LZTS1: variants seen among roughly 807,000 people sequenced by gnomAD.
LZTS1 encodes leucine zipper putative tumor suppressor 1.
A neutral mutation model predicts 45.8 loss-of-function variants in LZTS1; 31 were observed. The ratio of observed to expected loss-of-function variants is 0.68; its 90% CI spans 0.51 to 0.91. The LOEUF (loss-of-function observed/expected upper bound fraction) is 0.91. Ranked by LOEUF, LZTS1 falls within the 40% of genes least tolerant of loss-of-function variation. The pLI is 0.00. For synonymous variants in LZTS1, 359 were observed against 357.3 expected (o/e 1.00, Z -0.05); for missense variants, 821 against 788.9 (o/e 1.04, Z -0.49).
At chr8:20,271,922 G>A (rs1800481610) in intron 1 of LZTS1, among the ~76,000 whole-genome samples, 1 of 152,222 alleles carries the variant, frequency 6.6e-6, no homozygotes, top group African/African-American at 2.4e-5. Context: ...AGCCGCAGCT[G>A]GGGGTCACCT....
chr8:20,299,006 A>T (rs1229007050), intron 1 of LZTS1, among the ~76,000 whole-genome samples: 2 of 152,214 alleles, frequency 1.3e-5, no homozygotes, highest in East Asian at 1.9e-4. Context: ...TAGCTGACAC[A>T]TCCCCATCAA....
chr8:20,250,453 A>G (rs975919910), intron 3 of LZTS1, 90 bp from the exon 4 acceptor site: 6 of 1,327,682 alleles, frequency 4.5e-6, no homozygotes, highest in Non-Finnish European at 6.1e-6. Context: ...TAACCAAGCC[A>G]CTCCGGATGC....
chr8:20,279,969 C>CA (rs57894688), intron 1 of LZTS1, among the ~76,000 whole-genome samples: 5,402 of 133,844 alleles, frequency 0.04, 327 homozygotes, highest in African/African-American at 0.14. Context: ...AACCGTGTCT[C>CA]AAAAAAAAAA....
In LZTS1 at chr8:20,252,980, G is replaced by T; in HGVS notation, c.951C>A (p.Leu317=). The T allele has an allele frequency of 6.3e-7, 1 of 1,587,410 alleles. No homozygotes were observed. The highest frequency in any genetic ancestry group is 8.6e-7 in the Non-Finnish European group (1 of 1,166,816). Residue 317 remains leucine (L), a synonymous_variant, in exon 3 of 4, where the codon CTC becomes CTA. Transcript: ENST00000381569. ...GCTGGCTCTTCTGCGAGGCCTGCTTGAGCTTGTTGCCGCCTTTGGGCTCCG... is the reference window on the plus strand; with the variant it reads ...GCTGGCTCTTCTGCGAGGCCTGCTTTAGCTTGTTGCCGCCTTTGGGCTCCG... The part of the protein sequence containing the change: ...EGPEPKGGNK[L]KQASQKSQRA...
At chr8:20,275,404 C>CAA (rs55847914) in intron 1 of LZTS1, among the ~76,000 whole-genome samples, 1,214 of 113,566 alleles carry the variant, frequency 0.011, 24 homozygotes, top group African/African-American at 0.04. Flanking sequence ...GACTTCATCT[C>CAA]AAAAAAAAAA....
chr8:20,301,373 T>C (rs537945715), intron 1 of LZTS1, among the ~76,000 whole-genome samples: 1 of 152,198 alleles, frequency 6.6e-6, no homozygotes, highest in Non-Finnish European at 1.5e-5. Context: ...GCAGTGAAAA[T>C]TAAATGAGAT....
At position 20,249,516 on chromosome 8, in the gene LZTS1, G is replaced by C. The variant is rs1799823253; in HGVS notation, c.*206C>G. 3.2e-6 allele frequency: 2 copies of C among 629,420 alleles called. No individual in the cohort carries two copies. Among genetic ancestry groups the C allele is most frequent in the Admixed American group, 6.0e-5 (2 of 33,136 alleles). The allele number at this position is 629,420 out of a possible 1,614,324, so 39.0% of individuals were successfully genotyped here. ...GGGAAAGCCAGAGGAGTCAGGGCCT[G>C]ACGTCTGGTGGGCTGCAGGGCTGGT... On this transcript the variant is annotated 3_prime_UTR_variant, in exon 4 of 4. Coordinates refer to ENST00000381569, the MANE Select transcript of LZTS1 (RefSeq NM_021020.5).
intron 1 of LZTS1, among the ~76,000 whole-genome samples, chr8:20,300,465 T>A (rs1801055944): frequency 6.6e-6 from 1 of 152,050 alleles, no homozygotes; most frequent in Non-Finnish European, 1.5e-5. Flanking sequence ...CCCAAGTAGC[T>A]GGGACTACAG....
chr8:20,260,512 T>G (rs1800205055), intron 1 of LZTS1, among the ~76,000 whole-genome samples: 1 of 152,162 alleles, frequency 6.6e-6, no homozygotes, highest in Admixed American at 6.6e-5. Flanking sequence ...AATCGCACGC[T>G]GCAATTGGGG....
At position 20,303,779 on chromosome 8, in the gene LZTS1, T is replaced by TC. The variant is rs2128900671; in HGVS notation, c.-175_-174insG. 1.0e-6 allele frequency: 1 copy of TC among 984,406 alleles called. No homozygotes were observed. The highest frequency in any genetic ancestry group is 6.2e-5 in the Admixed American group (1 of 16,208). The allele number at this position is 984,406 out of a possible 1,614,324, so 61.0% of individuals were successfully genotyped here. A position where few individuals can be genotyped will look rare whatever the true frequency, so the allele number is the denominator to read the frequency against. Reference sequence around the variant, plus strand: ...TCGGGCGCACTTGAGACTTTTTTTTTTTCCCAGTGTTTCCCGGTGTGTTCC... The same window carrying TC: ...TCGGGCGCACTTGAGACTTTTTTTTTCTTCCCAGTGTTTCCCGGTGTGTTCC... On this transcript the variant is annotated 5_prime_UTR_variant, in exon 1 of 4. Transcript: ENST00000381569.
chr8:20,300,304 T>G (rs893403009), intron 1 of LZTS1, among the ~76,000 whole-genome samples: 3 of 152,152 alleles, frequency 2.0e-5, no homozygotes, highest in African/African-American at 7.2e-5. Context: ...AAGGGCATAC[T>G]CATAGTATCT....
Position 20,302,350 on chromosome 8 carries a change from A to G in LZTS1, c.-135+1390T>C, listed in dbSNP as rs143893989. On this transcript the variant is annotated intron_variant, in intron 1 of 3. Coordinates refer to ENST00000381569, the MANE Select transcript of LZTS1 (RefSeq NM_021020.5). ...ACTATGTTCCACTCCACTCTTAAAC[A>G]CAAACACCTTTCCCGTCTGTACATG... Among the ~76,000 whole-genome samples, 392 of 152,274 alleles carry G rather than the reference A, an allele frequency of 2.6e-3. 2 individuals carry two copies. Among genetic ancestry groups the G allele is most frequent in the African/African-American group, 8.8e-3 (366 of 41,550 alleles).
chr8:20,279,962 C>T (rs370244083), intron 1 of LZTS1, among the ~76,000 whole-genome samples: 18 of 120,896 alleles, frequency 1.5e-4, no homozygotes, highest in African/African-American at 1.8e-4. Context: ...AGAGAGAAAC[C>T]GTGTCTCAAA....
intron 1 of LZTS1, among the ~76,000 whole-genome samples, chr8:20,287,882 C>T (rs1218151904): frequency 7.3e-6 from 1 of 137,758 alleles, no homozygotes; most frequent in East Asian, 2.2e-4. Context: ...GCTAATCACG[C>T]CAAAGCACTC....
At chr8:20,274,467 G>T (rs1800534798) in intron 1 of LZTS1, among the ~76,000 whole-genome samples, 1 of 152,180 alleles carries the variant, frequency 6.6e-6, no homozygotes, top group Non-Finnish European at 1.5e-5. Context: ...CCCGGTGTGT[G>T]ATGGAGGCTT....
chr8:20,257,430 G>A (rs895465555), intron 1 of LZTS1, among the ~76,000 whole-genome samples: 1 of 152,142 alleles, frequency 6.6e-6, no homozygotes, highest in African/African-American at 2.4e-5. Context: ...ATTTGGCCAT[G>A]TGGAGATCTT....
chr8:20,298,085 A>G (rs1801008874), intron 1 of LZTS1, among the ~76,000 whole-genome samples: 1 of 151,730 alleles, frequency 6.6e-6, no homozygotes, highest in South Asian at 2.1e-4. Flanking sequence ...TTTTTGAGAC[A>G]AAGTCTTGCT....
At chr8:20,284,541 A>T (rs539686527) in intron 1 of LZTS1, among the ~76,000 whole-genome samples, 2 of 152,102 alleles carry the variant, frequency 1.3e-5, no homozygotes, top group African/African-American at 4.8e-5. Context: ...CTTTTTTTTT[A>T]ATGGAGAGAG....
intron 1 of LZTS1, among the ~76,000 whole-genome samples, chr8:20,286,461 C>G (rs888363128): frequency 8.5e-5 from 13 of 152,198 alleles, no homozygotes; most frequent in Admixed American, 8.5e-4. Flanking sequence ...ATACCTACCG[C>G]TAGGCCACTA....
Sources: allele counts gnomAD v4.1 joint callset (sites outside exome capture counted in the v4.1 genomes callset), GRCh38; gene constraint gnomAD v4.1.1; transcripts MANE v1.5; gene names NCBI Gene and HGNC (gene_info 2026-07-23, HGNC 2026-07-21).